FSCN3: variants seen among roughly 807,000 people sequenced by gnomAD.
FSCN3 encodes fascin actin-bundling protein 3.
In FSCN3, 43 loss-of-function variants were observed where a neutral mutation model predicts 53.5. The ratio of observed to expected loss-of-function variants is 0.80; its 90% CI spans 0.63 to 1.04. The LOEUF is 1.04. Ranked by LOEUF, FSCN3 falls within the 50% of genes least tolerant of loss-of-function variation. FSCN3 has a pLI of 0.00. For missense variants in FSCN3, 594 were observed against 646.5 expected (o/e 0.92, Z 0.88); for synonymous variants, 235 against 246.6 (o/e 0.95, Z 0.44).
At chr7:127,597,767 C>T (rs183183804) in intron 3 of FSCN3, among the ~76,000 whole-genome samples, 7 of 152,280 alleles carry the variant, frequency 4.6e-5, no homozygotes, top group Admixed American at 2.6e-4. Flanking sequence ...CATGAGCCAC[C>T]GTGCCCGTTT....
At chr7:127,599,901 C>T (rs113438128) in intron 5 of FSCN3, among the ~76,000 whole-genome samples, 2,036 of 149,164 alleles carry the variant, frequency 0.014, 24 homozygotes, top group South Asian at 0.027. Flanking sequence ...GCCAAGATCA[C>T]GCCACAGCAC....
At chr7:127,598,156 T>C (rs1006733226) in intron 3 of FSCN3, among the ~76,000 whole-genome samples, 1 of 152,250 alleles carries the variant, frequency 6.6e-6, no homozygotes, top group African/African-American at 2.4e-5. Flanking sequence ...TGATCTACTT[T>C]AAAATGATTT....
intron 3 of FSCN3, 103 bp downstream of exon 3, chr7:127,596,549 G>T: frequency 1.1e-5 from 6 of 547,456 alleles, no homozygotes; most frequent in Non-Finnish European, 2.0e-5. Flanking sequence ...GGATGATGTG[G>T]GCTGTGGAGG....
rs1794452374 is a variant in FSCN3, at chr7:127,600,190, C to T, written c.1292-4C>T. 6.4e-7 allele frequency: 1 copy of T among 1,571,512 alleles called. No homozygotes were observed. Among genetic ancestry groups the T allele is most frequent in the African/African-American group, 1.3e-5 (1 of 74,236 alleles). ...CCCACCAACCTGAGCTCTTCCTTCTCCAGCACAGGGGGGATCCTTCTGGTC... is the reference window on the plus strand; with the variant it reads ...CCCACCAACCTGAGCTCTTCCTTCTTCAGCACAGGGGGGATCCTTCTGGTC... On this transcript the variant is annotated splice_polypyrimidine_tract_variant and splice_region_variant and intron_variant, in intron 5 of 6. Coordinates refer to ENST00000265825, the MANE Select transcript of FSCN3 (RefSeq NM_020369.3).
At chr7:127,594,973 CA>C in intron 1 of FSCN3, 1 of 464,990 alleles carries the variant, frequency 2.2e-6, no homozygotes, top group South Asian at 1.8e-5. Context: ...AGACTTACAC[CA>C]AAGCGTTTCT....
Position 127,593,927 on chromosome 7 carries a change from G to C in FSCN3, c.74G>C (p.Gly25Ala), listed in dbSNP as rs1185639995. ...AGGGTTGGGCTCATCAGCTGGGCAGGAACCTACCTCACCTTTGAGGCATGC... is the reference window on the plus strand; with the variant it reads ...AGGGTTGGGCTCATCAGCTGGGCAGCAACCTACCTCACCTTTGAGGCATGC... ...DLRVGLISWA[G>A]TYLTFEACKN... The change falls in exon 1 of 7, where the codon GGA becomes GCA. Residue 25 changes from glycine (G) to alanine (A), a missense_variant. Coordinates refer to ENST00000265825, the MANE Select transcript of FSCN3 (RefSeq NM_020369.3). The C allele has an allele frequency of 9.9e-6, 16 of 1,608,370 alleles. No homozygotes were observed. The highest frequency in any genetic ancestry group is 1.7e-5 in the Admixed American group (1 of 59,194).
chr7:127,599,548 C>T lies in FSCN3; in HGVS notation c.1288C>T (p.Gln430Ter). The change falls in exon 5 of 7, where the codon CAG becomes TAG. Residue 430 changes from glutamine (Q) to a stop codon, truncating the protein, a stop_gained. Coordinates refer to ENST00000265825, the MANE Select transcript of FSCN3 (RefSeq NM_020369.3). LOFTEE classifies it high-confidence loss of function. The stretch of plus-strand genomic sequence containing the variant: ...CTGCCGACCGGGTATCTACCACTTC[C>T]AGGGTGAGTGGCTCCTCTTCCCTGC... ...LPCRPGIYHF[Q>*]AQGGSFWSIT... 1.2e-6 allele frequency: 2 copies of T among 1,613,940 alleles called. No homozygotes were observed. Among genetic ancestry groups the T allele is most frequent in the Non-Finnish European group, 1.7e-6 (2 of 1,179,890 alleles).
chr7:127,596,612 AAAAC>A (rs1794393594), intron 3 of FSCN3, 166 bp downstream of exon 3: 2 of 428,956 alleles, frequency 4.7e-6, no homozygotes, highest in Middle Eastern at 3.5e-4. Flanking sequence ...TTAAAAAAAA[AAAAC>A]AAAAATCAAC....
chr7:127,599,483 A>G lies in FSCN3; in HGVS notation c.1223A>G (p.Gln408Arg), dbSNP rs763779206. The G allele has an allele frequency of 9.9e-6, 16 of 1,614,020 alleles. No homozygotes were observed. The South Asian group carries it at 1.6e-4, about 17-fold the overall frequency. The stretch of plus-strand genomic sequence containing the variant: ...TCCTCATCGGGCCATGACCTCATAC[A>G]GTGCAACCAGGATCAGCCCGACCGC... ...VGSSSGHDLIQCNQDQPDRIH... is the reference protein window; with the variant it reads ...VGSSSGHDLIRCNQDQPDRIH... Residue 408 changes from glutamine (Q) to arginine (R), a missense_variant, in exon 5 of 7, where the codon CAG becomes CGG. Transcript: ENST00000265825.
chr7:127,596,031 G>A (rs765208316), intron 2 of FSCN3, 28 bp downstream of exon 2: 3 of 1,517,692 alleles, frequency 2.0e-6, no homozygotes, highest in Non-Finnish European at 1.8e-6. Context: ...CACAGATGGA[G>A]GGAGAGAGGG....
chr7:127,598,303 G>A (rs369206525), intron 3 of FSCN3, 132 bp from the exon 4 acceptor site: 31 of 823,412 alleles, frequency 3.8e-5, no homozygotes, highest in East Asian at 2.2e-4. Flanking sequence ...GGTTCTGAAA[G>A]CATCAACTCT....
intron 3 of FSCN3, chr7:127,596,704 A>G (rs1587541089): frequency 4.4e-6 from 1 of 225,720 alleles, no homozygotes; most frequent in East Asian, 9.2e-5. Flanking sequence ...TTTACAAATA[A>G]GTATATTATG....
intron 3 of FSCN3, among the ~76,000 whole-genome samples, chr7:127,597,580 G>T (rs1401425715): frequency 6.6e-6 from 1 of 151,866 alleles, no homozygotes; most frequent in Non-Finnish European, 1.5e-5. Context: ...CTGGGTTCAA[G>T]AGATTCTCCT....
At position 127,593,971 on chromosome 7, in the gene FSCN3, A is replaced by G; in HGVS notation, c.118A>G (p.Thr40Ala). 3 of 1,612,824 alleles carry G rather than the reference A, an allele frequency of 1.9e-6. No homozygotes were observed. The highest frequency in any genetic ancestry group is 2.2e-5 in the South Asian group (2 of 90,528). ...GGCATGCAAGAATACAGTCACTGCAACTGCGAAGAGTTTGGGCAGGAGACA... is the reference window on the plus strand; with the variant it reads ...GGCATGCAAGAATACAGTCACTGCAGCTGCGAAGAGTTTGGGCAGGAGACA... ...FEACKNTVTA[T>A]AKSLGRRQTW... Residue 40 changes from threonine (T) to alanine (A), a missense_variant, in exon 1 of 7, where the codon ACT (threonine) becomes GCT (alanine). By Grantham distance (58) the Thr-to-Ala change is moderately conservative (BLOSUM62 0). Transcript: ENST00000265825.
chr7:127,595,272 A>G (rs1271216333), intron 1 of FSCN3, 35 bp from the exon 2 acceptor site: 3 of 1,565,472 alleles, frequency 1.9e-6, no homozygotes, highest in Non-Finnish European at 2.6e-6. Context: ...ACTTCGTGAT[A>G]CTGATTTCCC....
rs748179643 is a variant in FSCN3 at position 127,599,514 on chromosome 7, T to A, written c.1254T>A (p.His418Gln). The A allele has an allele frequency of 6.2e-7, 1 of 1,614,136 alleles. No individual in the cohort carries two copies. The highest frequency in any genetic ancestry group is 1.7e-5 in the Admixed American group (1 of 60,016). The change falls in exon 5 of 7, where the codon CAT (histidine) becomes CAA (glutamine). Residue 418 changes from histidine (H) to glutamine (Q), a missense_variant. By Grantham distance (24) the His-to-Gln change is conservative. Transcript: ENST00000265825. ...QCNQDQPDRI[H>Q]LLPCRPGIYH... is the part of the protein sequence containing the mutation. ...ACCAGGATCAGCCCGACCGCATTCA[T>A]CTACTACCCTGCCGACCGGGTATCT... is the stretch of plus-strand genomic sequence containing the variant.
chr7:127,599,143 A>C (rs1337235079), intron 4 of FSCN3, among the ~76,000 whole-genome samples: 1 of 152,132 alleles, frequency 6.6e-6, no homozygotes, highest in Non-Finnish European at 1.5e-5. Context: ...TGAGGATTAA[A>C]CACATCAACA....
rs148301347 is a variant in FSCN3 at position 127,598,985 on chromosome 7, G to T, written c.1120+391G>T. ...CAAAAAAAAAAAAAAAAGTACTGGAGTTGGGGTCGGAAGATTTGGGTCTGT... is the reference window on the plus strand; with the variant it reads ...CAAAAAAAAAAAAAAAAGTACTGGATTTGGGGTCGGAAGATTTGGGTCTGT... On this transcript the variant is annotated intron_variant, in intron 4 of 6. Transcript: ENST00000265825. Among the ~76,000 whole-genome samples the T allele has an allele frequency of 6.6e-3, 1,007 of 151,674 alleles. 9 individuals carry two copies. The highest frequency in any genetic ancestry group is 0.028 in the Middle Eastern group (8 of 286).
intron 6 of FSCN3, 92 bp from the exon 7 acceptor site, chr7:127,601,531 C>G (rs1486489921): frequency 6.6e-6 from 1 of 152,174 alleles, no homozygotes; most frequent in African/African-American, 2.4e-5. Flanking sequence ...TTCTTTTTCT[C>G]CCACAGGATC....
Sources: gnomAD v4.1 joint callset for allele counts (sites outside exome capture counted in the v4.1 genomes callset) on GRCh38, gnomAD v4.1.1 for gene constraint, MANE v1.5 for transcripts, NCBI Gene and HGNC (gene_info 2026-07-23, HGNC 2026-07-21) for gene names.